The following KDM5A variants were observed in gnomAD, a reference collection of about 807,000 sequenced individuals.
The protein encoded by KDM5A is lysine-specific demethylase 5A.
In KDM5A, 42 loss-of-function variants were observed where a neutral mutation model predicts 193.5. The observed-to-expected ratio is 0.22, with a 90% CI of 0.17 to 0.28. The LOEUF (loss-of-function observed/expected upper bound fraction) is 0.28. Among genes scored for constraint, KDM5A ranks in the 10% least tolerant of loss-of-function variants. The pLI, the probability that KDM5A is intolerant of heterozygous loss-of-function variation, is 1.00. For missense variants in KDM5A, 1,692 were observed against 2,055.1 expected, an observed-to-expected ratio of 0.82 and a Z score of 3.42; for synonymous variants, 796 against 718.1, an observed-to-expected ratio of 1.11 and a Z score of -1.73.
At chr12:386,769 T>C (rs1478175907) in intron 1 of KDM5A, among the ~76,000 whole-genome samples, 1 of 152,178 alleles carries the variant, frequency 6.6e-6, no homozygotes, top group Non-Finnish European at 1.5e-5. Flanking sequence ...CAACCTGTAT[T>C]GCTCAGAGAA....
rs778924555 is a variant in KDM5A, at chr12:318,165, C to T, written c.2838G>A (p.Gln946=). The change falls in exon 19 of 28, where the codon CAG becomes CAA. Residue 946 remains glutamine, a synonymous_variant. Transcript: ENST00000399788. ...ATCGTTCAGAGACTGTAAGGAGCTC[C>T]TGTAGTTCAGCCATTGCTTTCTCCA... ...HAVEKAMAEL[Q]ELLTVSERWE... is the part of the protein sequence containing the mutation. The T allele has an allele frequency of 5.6e-6, 9 of 1,614,116 alleles. No homozygotes were observed. The African/African-American group carries it at 6.7e-5, about 12-fold the overall frequency.
rs532913521 is a variant in KDM5A at position 380,760 on chromosome 12, A to G, written c.366+3271T>C. Among the ~76,000 whole-genome samples, 11 of 152,166 alleles carry G rather than the reference A, an allele frequency of 7.2e-5. No homozygotes were observed. In the South Asian group the frequency reaches 2.3e-3, roughly 32 times the overall value. On this transcript the variant is annotated intron_variant, in intron 3 of 27. Transcript: ENST00000399788. The stretch of plus-strand genomic sequence containing the variant: ...AGAAAGAGCTTCATTAAAGAGTACT[A>G]CAACATATTGCTATTAATGATAAAA...
At chr12:357,852 A>AAAAAAAAAAAAAAC (rs1944246280) in intron 5 of KDM5A, among the ~76,000 whole-genome samples, 1 of 149,244 alleles carries the variant, frequency 6.7e-6, no homozygotes, top group African/African-American at 2.5e-5. Flanking sequence ...AAAAAAAAAA[A>AAAAAAAAAAAAAAC]AAGCCCTTTT....
chr12:370,015 T>G (rs1451568646), intron 3 of KDM5A, among the ~76,000 whole-genome samples: 1 of 152,126 alleles, frequency 6.6e-6, no homozygotes, highest in African/African-American at 2.4e-5. Flanking sequence ...TACAATACTC[T>G]AACAATCTAA....
chr12:322,872 A>AT (rs1420427560), intron 16 of KDM5A, among the ~76,000 whole-genome samples: 1 of 152,178 alleles, frequency 6.6e-6, no homozygotes, highest in Non-Finnish European at 1.5e-5. Flanking sequence ...TGCAAGTCAG[A>AT]TGTCCGGCCC....
At chr12:329,103 G>A in intron 13 of KDM5A, 74 bp from the exon 14 acceptor site, 1 of 1,221,558 alleles carries the variant, frequency 8.2e-7, no homozygotes, top group Non-Finnish European at 1.2e-6. Context: ...TTACCCTCCA[G>A]GTCCTCCCTT....
In KDM5A at chr12:327,971, G is replaced by A. The variant is rs1297253161; in HGVS notation, c.1968+864C>T. 2.0e-5 allele frequency among the ~76,000 whole-genome samples: 3 copies of A among 152,290 alleles called. No homozygotes were observed. In the East Asian group the frequency reaches 5.8e-4, roughly 29 times the overall value. Reference sequence around the variant, plus strand: ...TGAGGCTGCAGTGAGCTACGACTGTGCCACTGCACTCCAGCCTGGGCGACA... The same window carrying A: ...TGAGGCTGCAGTGAGCTACGACTGTACCACTGCACTCCAGCCTGGGCGACA... On this transcript the variant is annotated intron_variant, in intron 14 of 27. Transcript: ENST00000399788.
intron 10 of KDM5A, 30 bp from the exon 11 acceptor site, chr12:334,452 A>C: frequency 6.3e-7 from 1 of 1,591,708 alleles, no homozygotes; most frequent in Non-Finnish European, 8.6e-7. Flanking sequence ...TGTAAATGAA[A>C]GATCAGAAAT....
chr12:388,921 AG>A lies in KDM5A; in HGVS notation c.165+5del, dbSNP rs768851358. ...TCTCCCCCTCTCTCTTCACAGACTG[AG>A]GTACCTTGGGCGGCCGAATTTTGCA... On this transcript the variant is annotated splice_donor_5th_base_variant and intron_variant, in intron 1 of 27. Coordinates refer to ENST00000399788, the MANE Select transcript of KDM5A (RefSeq NM_001042603.3). The A allele has an allele frequency of 6.2e-7, 1 of 1,614,134 alleles. No individual in the cohort carries two copies. The highest frequency in any genetic ancestry group is 8.5e-7 in the Non-Finnish European group (1 of 1,179,980).
At chr12:348,676 C>G (rs1200550647) in intron 10 of KDM5A, among the ~76,000 whole-genome samples, 1 of 152,000 alleles carries the variant, frequency 6.6e-6, no homozygotes, top group Admixed American at 6.6e-5. Flanking sequence ...AAACCAAAAA[C>G]CACGTGTTCT....
chr12:342,871 C>T (rs79716737), intron 10 of KDM5A, among the ~76,000 whole-genome samples: 10,670 of 151,498 alleles, frequency 0.07, 842 homozygotes, highest in East Asian at 0.35. Context: ...ACGCAGAAGA[C>T]GGGTGATTTC....
intron 10 of KDM5A, among the ~76,000 whole-genome samples, chr12:349,393 T>C (rs188970270): frequency 0.017 from 2,586 of 148,100 alleles, 106 homozygotes; most frequent in South Asian, 0.16. Context: ...TGCAGTGGCA[T>C]GATCTCAGCT....
chr12:305,843 T>G (rs1370877426), intron 24 of KDM5A, among the ~76,000 whole-genome samples: 1 of 152,202 alleles, frequency 6.6e-6, no homozygotes, highest in Non-Finnish European at 1.5e-5. Flanking sequence ...ATTTGTTGTA[T>G]CTGCAACTGG....
intron 3 of KDM5A, among the ~76,000 whole-genome samples, chr12:374,432 C>A (rs1944473410): frequency 6.6e-6 from 1 of 152,160 alleles, no homozygotes; most frequent in Non-Finnish European, 1.5e-5. Flanking sequence ...CTTGGTAGAT[C>A]TTCCTCCATC....
chr12:328,808 C>A (rs367761483), intron 14 of KDM5A, 27 bp downstream of exon 14: 610 of 1,608,576 alleles, frequency 3.8e-4, no homozygotes, highest in Middle Eastern at 6.0e-4. Flanking sequence ...CAGTATCAAA[C>A]ATAGAAAATG....
intron 24 of KDM5A, 81 bp downstream of exon 24, chr12:306,865 A>G: frequency 7.4e-7 from 1 of 1,359,364 alleles, no homozygotes. Context: ...GGCCTCAAAC[A>G]TCACTGTTCA....
intron 5 of KDM5A, among the ~76,000 whole-genome samples, chr12:357,137 C>T (rs1050414693): frequency 6.6e-6 from 1 of 152,064 alleles, no homozygotes; most frequent in Non-Finnish European, 1.5e-5. Context: ...AAAAATTAGC[C>T]AGGCATGGTG....
intron 10 of KDM5A, among the ~76,000 whole-genome samples, chr12:339,673 T>C (rs957560454): frequency 5.9e-5 from 9 of 152,120 alleles, no homozygotes; most frequent in Non-Finnish European, 1.2e-4. Context: ...AGAGTCACAG[T>C]TGGAAGACAA....
chr12:369,763 C>T (rs1944402920), intron 3 of KDM5A, among the ~76,000 whole-genome samples: 1 of 152,106 alleles, frequency 6.6e-6, no homozygotes, highest in African/African-American at 2.4e-5. Flanking sequence ...AGTAAAAGAA[C>T]TCAGGGAGGC....
Sources: gnomAD v4.1 joint callset for allele counts (sites outside exome capture counted in the v4.1 genomes callset) on GRCh38, gnomAD v4.1.1 for gene constraint, MANE v1.5 for transcripts, NCBI Gene and HGNC (gene_info 2026-07-23, HGNC 2026-07-21) for gene names.